CCDC102A: variants seen among roughly 807,000 people sequenced by gnomAD.
CCDC102A encodes the protein coiled-coil domain-containing protein 102A.
In CCDC102A, 40 loss-of-function variants were observed where a neutral mutation model predicts 55.5. That is an observed-to-expected ratio of 0.72 (90% CI 0.56 to 0.94). The LOEUF is 0.94. CCDC102A is among the 40% of genes least tolerant of loss of function. The pLI, the probability that CCDC102A is intolerant of heterozygous loss-of-function variation, is 0.00. For synonymous variants in CCDC102A, 323 were observed against 339.0 expected (o/e 0.95, Z 0.52); for missense variants, 779 against 768.6 (o/e 1.01, Z -0.16).
chr16:57,533,912 G>T (rs978416968), intron 1 of CCDC102A, among the ~76,000 whole-genome samples: 11 of 152,130 alleles, frequency 7.2e-5, no homozygotes, highest in African/African-American at 2.7e-4. Context: ...GTGGGGCGTG[G>T]CCTCCTGTTC....
chr16:57,523,967 C>T (rs576723119), intron 3 of CCDC102A, among the ~76,000 whole-genome samples: 3 of 152,170 alleles, frequency 2.0e-5, no homozygotes, highest in Non-Finnish European at 4.4e-5. Flanking sequence ...TTGGTGAGCA[C>T]CTACTCTGCC....
Position 57,516,519 on chromosome 16 carries a change from G to C in CCDC102A, c.1249-56C>G, listed in dbSNP as rs372000820. ...GGAGGGAATCAGTATCAGCTTGGGC[G>C]CCATGCCAGGGAGTCCCACGAGGTC... On this transcript the variant is annotated intron_variant, in intron 6 of 8. Transcript: ENST00000258214. This position sits in a 1 kb window ranked among gnomAD's most constrained non-coding sequence, Gnocchi z 4.4. The C allele has an allele frequency of 6.6e-7, 1 of 1,509,900 alleles. No homozygotes were observed. The allele number at this position is 1,509,900 out of a possible 1,614,324, so 93.5% of individuals were successfully genotyped here. A position where few individuals can be genotyped will look rare whatever the true frequency, so the allele number is the denominator to read the frequency against.
intron 8 of CCDC102A, among the ~76,000 whole-genome samples, chr16:57,513,892 C>A (rs150754400): frequency 3.4e-3 from 523 of 152,362 alleles, no homozygotes; most frequent in Non-Finnish European, 6.1e-3. Flanking sequence ...GCCACAAGAT[C>A]TCAGCAAACA....
chr16:57,528,065 A>G (rs1247869639), intron 2 of CCDC102A, among the ~76,000 whole-genome samples: 1 of 152,194 alleles, frequency 6.6e-6, no homozygotes, highest in Admixed American at 6.5e-5. Flanking sequence ...CTGCTGCCGC[A>G]GCCACAGCCT....
At chr16:57,535,528 G>A (rs965905188) in intron 1 of CCDC102A, among the ~76,000 whole-genome samples, 6 of 152,064 alleles carry the variant, frequency 3.9e-5, no homozygotes, top group African/African-American at 1.4e-4. Context: ...GGGGCACAAT[G>A]CCCCCGAGAG....
At chr16:57,523,212 T>G in intron 3 of CCDC102A, among the ~76,000 whole-genome samples, 1 of 152,172 alleles carries the variant, frequency 6.6e-6, no homozygotes, top group African/African-American at 2.4e-5. Context: ...ATATTTCAGT[T>G]AGTGCACTAG....
chr16:57,517,905 A>G (rs539014175), intron 6 of CCDC102A, among the ~76,000 whole-genome samples, 163 bp downstream of exon 6: 75 of 152,386 alleles, frequency 4.9e-4, no homozygotes, highest in African/African-American at 1.7e-3. Flanking sequence ...TAAGTGCTCA[A>G]TGAATGCGGC....
At chr16:57,523,214 G>A (rs1256871240) in intron 3 of CCDC102A, among the ~76,000 whole-genome samples, 1 of 151,972 alleles carries the variant, frequency 6.6e-6, no homozygotes, top group Non-Finnish European at 1.5e-5. Context: ...ATTTCAGTTA[G>A]TGCACTAGGT....
At chr16:57,519,215 C>A (rs575118113) in intron 4 of CCDC102A, among the ~76,000 whole-genome samples, 1 of 152,232 alleles carries the variant, frequency 6.6e-6, no homozygotes, top group African/African-American at 2.4e-5. Flanking sequence ...CAAGTTCCTG[C>A]CCACCACAGG....
Position 57,529,211 on chromosome 16 carries a change from C to G in CCDC102A, c.-34G>C. ...CGGGCGGGCCCTGAGCTCGAACTCG[C>G]GGTCGGGCTCAGGGGCGGCTCCGGG... On this transcript the variant is annotated 5_prime_UTR_variant, in exon 2 of 9. Transcript: ENST00000258214. The surrounding 1 kb of genome is among the most constrained non-coding windows in gnomAD (Gnocchi z 4.1). 1 of 1,157,854 alleles carries G rather than the reference C, an allele frequency of 8.6e-7. No individual in the cohort carries two copies. The allele number at this position is 1,157,854 out of a possible 1,614,324, so 71.7% of individuals were successfully genotyped here.
chr16:57,529,387 C>G lies in CCDC102A; in HGVS notation c.-147-63G>C. The G allele has an allele frequency of 2.1e-6, 1 of 486,712 alleles. No individual in the cohort carries two copies. The highest frequency in any genetic ancestry group is 2.9e-6 in the Non-Finnish European group (1 of 350,422). The allele number at this position is 486,712 out of a possible 1,614,324, so 30.1% of individuals were successfully genotyped here. ...CGTCAGTCTCGAAGATCAGCCGCGC[C>G]AAGGCCCTGGCGGAGGGAACAGAAC... On this transcript the variant is annotated intron_variant, in intron 1 of 8. Coordinates refer to ENST00000258214, the MANE Select transcript of CCDC102A (RefSeq NM_033212.4). This position sits in a 1 kb window ranked among gnomAD's most constrained non-coding sequence, Gnocchi z 4.1.
rs898283182 is a variant in CCDC102A at position 57,512,499 on chromosome 16, A to G, written c.*242T>C. On this transcript the variant is annotated 3_prime_UTR_variant, in exon 9 of 9. Transcript: ENST00000258214. Reference sequence around the variant, plus strand: ...GTATTTATAAAACCAAATGGGTCCAAAGACTTCTGGGTGTGCGCGCGCGCG... The same window carrying G: ...GTATTTATAAAACCAAATGGGTCCAGAGACTTCTGGGTGTGCGCGCGCGCG... 1.1e-5 allele frequency: 5 copies of G among 436,722 alleles called. No homozygotes were observed. Among genetic ancestry groups the G allele is most frequent in the Non-Finnish European group, 2.0e-5 (5 of 250,398 alleles). 27.1% of individuals were successfully genotyped at this position (436,722 alleles called of 1,614,324 possible). A position where few individuals can be genotyped will look rare whatever the true frequency, so the allele number is the denominator to read the frequency against.
Position 57,531,472 on chromosome 16 carries a change from A to G in CCDC102A, c.-147-2148T>C, listed in dbSNP as rs571109694. 5.3e-4 allele frequency among the ~76,000 whole-genome samples: 78 copies of G among 147,176 alleles called. 3 individuals carry two copies. The South Asian group carries it at 0.017, about 31-fold the overall frequency. On this transcript the variant is annotated intron_variant, in intron 1 of 8. Transcript: ENST00000258214. ...CACCACCTTCACTCACCTGGGTAACAGTACCCACACCCACCTCCCTGCCCA... is the reference window on the plus strand; with the variant it reads ...CACCACCTTCACTCACCTGGGTAACGGTACCCACACCCACCTCCCTGCCCA...
intron 8 of CCDC102A, among the ~76,000 whole-genome samples, chr16:57,514,294 A>G (rs1298599927): frequency 6.6e-6 from 1 of 152,036 alleles, no homozygotes; most frequent in African/African-American, 2.4e-5. Flanking sequence ...TGAACTCCTG[A>G]GCTCAAGTGA....
intron 6 of CCDC102A, among the ~76,000 whole-genome samples, chr16:57,517,165 G>A (rs1207602621): frequency 1.3e-5 from 2 of 151,754 alleles, no homozygotes; most frequent in Admixed American, 6.6e-5. Context: ...CCCACCACTC[G>A]TGCCTCACTT....
chr16:57,513,211 C>T (rs551414723), intron 8 of CCDC102A, among the ~76,000 whole-genome samples: 20 of 152,188 alleles, frequency 1.3e-4, no homozygotes, highest in Non-Finnish European at 2.4e-4. Context: ...CCAAGCCTGG[C>T]TCTCAGAGCA....
chr16:57,521,734 GC>G, intron 3 of CCDC102A, among the ~76,000 whole-genome samples: 1 of 152,172 alleles, frequency 6.6e-6, no homozygotes, highest in Non-Finnish European at 1.5e-5. Flanking sequence ...CCCCCACCCT[GC>G]CTTGATCTTG....
chr16:57,526,689 T>C (rs2032146200), intron 2 of CCDC102A, among the ~76,000 whole-genome samples: 1 of 152,124 alleles, frequency 6.6e-6, no homozygotes, highest in Admixed American at 6.5e-5. Context: ...GGCCTGTCTC[T>C]GACACAAACC....
At chr16:57,533,118 G>C (rs1163896516) in intron 1 of CCDC102A, among the ~76,000 whole-genome samples, 1 of 152,196 alleles carries the variant, frequency 6.6e-6, no homozygotes, top group Non-Finnish European at 1.5e-5. Context: ...TAAAGGCAGA[G>C]ATGGGGGCTC....
Sources: gnomAD v4.1 joint callset for allele counts (sites outside exome capture counted in the v4.1 genomes callset) on GRCh38, gnomAD v4.1.1 for gene constraint, Gnocchi (gnomAD v3.1) non-coding constraint, MANE v1.5 for transcripts, NCBI Gene and HGNC (gene_info 2026-07-23, HGNC 2026-07-21) for gene names.